MAP3K4: variants seen among roughly 807,000 people sequenced by gnomAD.
The protein encoded by MAP3K4 is MAP three kinase 1.
A neutral mutation model predicts 185.6 loss-of-function variants in MAP3K4; 67 were observed. That is an observed-to-expected ratio of 0.36 (90% confidence interval 0.30 to 0.44). The LOEUF (loss-of-function observed/expected upper bound fraction) is 0.44. Ranked by LOEUF, MAP3K4 falls within the 20% of genes least tolerant of loss-of-function variation. MAP3K4 has a pLI of 1.00. For missense variants in MAP3K4, 1,551 were observed against 1,995.1 expected, an observed-to-expected ratio of 0.78 and a Z score of 4.24; for synonymous variants, 702 against 710.4, an observed-to-expected ratio of 0.99 and a Z score of 0.19.
intron 1 of MAP3K4, among the ~76,000 whole-genome samples, chr6:160,992,757 G>C (rs944013153): frequency 1.3e-5 from 2 of 152,012 alleles, no homozygotes; most frequent in Admixed American, 6.5e-5. Context: ...GTGGAACTTC[G>C]GTAACCAAAG....
intron 2 of MAP3K4, among the ~76,000 whole-genome samples, chr6:161,040,139 G>C (rs893968604): frequency 6.6e-6 from 1 of 152,054 alleles, no homozygotes; most frequent in Non-Finnish European, 1.5e-5. Context: ...TGTATTTTCT[G>C]TATTAGTAAT....
Position 161,053,566 on chromosome 6 carries a change from A to T in MAP3K4, c.1707+3587A>T, listed in dbSNP as rs2114773315. On this transcript the variant is annotated intron_variant, in intron 3 of 26. Coordinates refer to ENST00000392142, the MANE Select transcript of MAP3K4 (RefSeq NM_005922.4). This position sits in a 1 kb window ranked among gnomAD's most constrained non-coding sequence, Gnocchi z 4.2. ...TAAGGGCATACATTTTAGGCAGTAA[A>T]ACCTTTTAGGTTTGAGGACTTTTTT... Among the ~76,000 whole-genome samples the T allele has an allele frequency of 6.6e-6, 1 of 152,262 alleles. No individual in the cohort carries two copies. Among genetic ancestry groups the T allele is most frequent in the South Asian group, 2.1e-4 (1 of 4,814 alleles).
chr6:161,055,874 C>A (rs1784212682), intron 3 of MAP3K4, among the ~76,000 whole-genome samples: 1 of 152,196 alleles, frequency 6.6e-6, no homozygotes, highest in Non-Finnish European at 1.5e-5. Flanking sequence ...AGTCACCACA[C>A]ACAACCCACT....
At chr6:161,020,095 A>C (rs1172572660) in intron 1 of MAP3K4, among the ~76,000 whole-genome samples, 1 of 152,198 alleles carries the variant, frequency 6.6e-6, no homozygotes, top group Non-Finnish European at 1.5e-5. Context: ...TTGGCTTTGA[A>C]TTAGTTATGC....
At position 161,053,755 on chromosome 6, in the gene MAP3K4, C is replaced by G. The variant is rs1327936312; in HGVS notation, c.1707+3776C>G. 6.6e-6 allele frequency among the ~76,000 whole-genome samples: 1 copy of G among 152,036 alleles called. No individual in the cohort carries two copies. Among genetic ancestry groups the G allele is most frequent in the African/African-American group, 2.4e-5 (1 of 41,394 alleles). On this transcript the variant is annotated intron_variant, in intron 3 of 26. Coordinates refer to ENST00000392142, the MANE Select transcript of MAP3K4 (RefSeq NM_005922.4). This position sits in a 1 kb window ranked among gnomAD's most constrained non-coding sequence, Gnocchi z 4.2. ...TACAAGCGTGCACCACCATGCCTGG[C>G]TAATTTTTTGTGTTTTTAATAGAGA...
intron 1 of MAP3K4, among the ~76,000 whole-genome samples, chr6:161,024,757 C>G (rs567982886): frequency 6.6e-6 from 1 of 152,150 alleles, no homozygotes; most frequent in African/African-American, 2.4e-5. Context: ...TAAGCTTGAT[C>G]GCCTGTTTGT....
intron 10 of MAP3K4, 63 bp from the exon 11 acceptor site, chr6:161,089,259 G>T: frequency 6.4e-7 from 1 of 1,551,746 alleles, no homozygotes; most frequent in South Asian, 1.2e-5. Context: ...GACTGGTGTT[G>T]AACTAGAATA....
chr6:161,117,020 C>T lies in MAP3K4; in HGVS notation c.*150C>T. The T allele has an allele frequency of 1.4e-6, 1 of 719,664 alleles. No individual in the cohort carries two copies. The highest frequency in any genetic ancestry group is 2.6e-5 in the East Asian group (1 of 37,800). 44.6% of individuals were successfully genotyped at this position (719,664 alleles called of 1,614,324 possible). ...GACAAGCGTCACTTCTCCTGCTGCT[C>T]CTGTTTGTCTGATGTGGCAAAAGGC... On this transcript the variant is annotated 3_prime_UTR_variant, in exon 27 of 27. Transcript: ENST00000392142.
At chr6:161,081,342 C>T (rs917503414) in intron 6 of MAP3K4, among the ~76,000 whole-genome samples, 2 of 152,088 alleles carry the variant, frequency 1.3e-5, no homozygotes, top group African/African-American at 2.4e-5. Context: ...AGAACAGCCC[C>T]ACAACAGAAT....
At chr6:161,083,471 C>CA (rs1785552831) in intron 6 of MAP3K4, among the ~76,000 whole-genome samples, 1 of 152,134 alleles carries the variant, frequency 6.6e-6, no homozygotes, top group Non-Finnish European at 1.5e-5. Context: ...CTTTCCCAAT[C>CA]AGATATTTTA....
In MAP3K4 at chr6:161,107,050, G is replaced by GCACACACACACACA. The variant is rs3050252; in HGVS notation, c.4048+361_4048+374dup. 1.9e-5 allele frequency among the ~76,000 whole-genome samples: 2 copies of GCACACACACACACA among 105,188 alleles called. No individual in the cohort carries two copies. The highest frequency in any genetic ancestry group is 3.4e-5 in the African/African-American group (1 of 29,798). The allele number at this position is 105,188 out of a possible 152,430, so 69.0% of individuals were successfully genotyped here. ...TCTCTCTCTCTCTACACACGCGCGCGCACACACACACACACACACACACAC... is the reference window on the plus strand; with the variant it reads ...TCTCTCTCTCTCTACACACGCGCGCGCACACACACACACACACACACACACACACACACACACAC... On this transcript the variant is annotated intron_variant, in intron 20 of 26. Transcript: ENST00000392142. The surrounding 1 kb of genome is among the most constrained non-coding windows in gnomAD (Gnocchi z 6.2).
intron 11 of MAP3K4, among the ~76,000 whole-genome samples, chr6:161,090,928 C>G (rs1163140704): frequency 6.6e-6 from 1 of 152,198 alleles, no homozygotes; most frequent in African/African-American, 2.4e-5. Flanking sequence ...TCTCCAGACG[C>G]TGAGGGGAGG....
At chr6:161,059,487 A>G (rs1784394189) in intron 3 of MAP3K4, among the ~76,000 whole-genome samples, 1 of 151,862 alleles carries the variant, frequency 6.6e-6, no homozygotes. Flanking sequence ...TTTCATGTTT[A>G]TTGGCCATTT....
intron 1 of MAP3K4, among the ~76,000 whole-genome samples, chr6:161,009,604 T>C (rs1232971751): frequency 1.3e-5 from 2 of 152,242 alleles, no homozygotes; most frequent in Non-Finnish European, 2.9e-5. Context: ...TATTCCATTG[T>C]GTGTACATAT....
In MAP3K4 at chr6:161,022,734, A is replaced by G. The variant is rs1426567773; in HGVS notation, c.153-11525A>G. ...AGGAATTATGCTAGTACCTGTAGGA[A>G]TCCTTGGGTACCTCGCATGTAACAG... On this transcript the variant is annotated intron_variant, in intron 1 of 26. Coordinates refer to ENST00000392142, the MANE Select transcript of MAP3K4 (RefSeq NM_005922.4). This position sits in a 1 kb window ranked among gnomAD's most constrained non-coding sequence, Gnocchi z 4.2. 2.6e-5 allele frequency among the ~76,000 whole-genome samples: 4 copies of G among 152,174 alleles called. No homozygotes were observed. The highest frequency in any genetic ancestry group is 4.4e-5 in the Non-Finnish European group (3 of 68,034).
rs567588819 is a variant in MAP3K4 at position 161,037,506 on chromosome 6, C to T, written c.343+3057C>T. ...CGATCTCAGCTCACTGCAACCTCCG[C>T]CTCCTGGGTTCAAGCAATTCTCCTG... On this transcript the variant is annotated intron_variant, in intron 2 of 26. Coordinates refer to ENST00000392142, the MANE Select transcript of MAP3K4 (RefSeq NM_005922.4). This position sits in a 1 kb window ranked among gnomAD's most constrained non-coding sequence, Gnocchi z 4.2. Among the ~76,000 whole-genome samples, 11 of 152,274 alleles carry T rather than the reference C, an allele frequency of 7.2e-5. No individual in the cohort carries two copies. The highest frequency in any genetic ancestry group is 2.2e-4 in the African/African-American group (9 of 41,560).
Position 161,080,080 on chromosome 6 carries a change from C to T in MAP3K4, c.2098-801C>T, listed in dbSNP as rs1241854460. ...CTCAGGTTGGCGACAGACTGCTTCA[C>T]GCTGAGTCACACTCGGGGTTGGAAG... On this transcript the variant is annotated intron_variant, in intron 5 of 26. Transcript: ENST00000392142. The surrounding 1 kb of genome is among the most constrained non-coding windows in gnomAD (Gnocchi z 4.8). Among the ~76,000 whole-genome samples, 3 of 152,208 alleles carry T rather than the reference C, an allele frequency of 2.0e-5. No homozygotes were observed. The highest frequency in any genetic ancestry group is 4.1e-4 in the South Asian group (2 of 4,820).
chr6:161,072,971 T>C (rs372669652), intron 4 of MAP3K4, among the ~76,000 whole-genome samples: 18 of 152,334 alleles, frequency 1.2e-4, no homozygotes, highest in African/African-American at 4.3e-4. Context: ...TGGTGGTCAT[T>C]ATTTGATGGT....
At chr6:161,020,721 C>T (rs886337525) in intron 1 of MAP3K4, among the ~76,000 whole-genome samples, 1 of 149,884 alleles carries the variant, frequency 6.7e-6, no homozygotes, top group African/African-American at 2.5e-5. Context: ...AATTTACATT[C>T]AAGTTCAGGG....
Sources: allele counts gnomAD v4.1 joint callset (sites outside exome capture counted in the v4.1 genomes callset), GRCh38; gene constraint gnomAD v4.1.1; non-coding constraint Gnocchi (gnomAD v3.1); transcripts MANE v1.5; gene names NCBI Gene and HGNC (gene_info 2026-07-23, HGNC 2026-07-21).